CFAP70: variants seen among roughly 807,000 people sequenced by gnomAD.
The protein encoded by CFAP70 is cilia- and flagella-associated protein 70.
CFAP70 carries 81 observed loss-of-function variants against 137.6 expected under a neutral mutation model. That is an observed-to-expected ratio of 0.59 (90% CI 0.49 to 0.71). The LOEUF is 0.71. Among genes scored for constraint, CFAP70 ranks in the 30% least tolerant of loss-of-function variants. The pLI is 0.00. For missense variants in CFAP70, 976 were observed against 1,226.7 expected (o/e 0.80, Z 3.05); for synonymous variants, 382 against 423.6 (o/e 0.90, Z 1.20).
chr10:73,296,567 T>C (rs890295369), intron 15 of CFAP70: 1 of 152,554 alleles, frequency 6.6e-6, no homozygotes, highest in East Asian at 1.9e-4. Context: ...GACTTACAAA[T>C]ATAAACAGAA....
At chr10:73,316,553 G>A (rs2050402798) in intron 9 of CFAP70, among the ~76,000 whole-genome samples, 1 of 141,016 alleles carries the variant, frequency 7.1e-6, no homozygotes, top group Admixed American at 7.1e-5. Flanking sequence ...AATATGTATG[G>A]ACATACACAC....
intron 3 of CFAP70, 41 bp from the exon 4 acceptor site, chr10:73,348,562 C>T (rs2053923774): frequency 1.6e-6 from 2 of 1,276,484 alleles, no homozygotes; most frequent in Non-Finnish European, 2.2e-6. Context: ...ATTTAAAACA[C>T]ATCTATCCGA....
At chr10:73,329,480 T>TAA (rs1831437242) in intron 8 of CFAP70, among the ~76,000 whole-genome samples, 1 of 151,936 alleles carries the variant, frequency 6.6e-6, no homozygotes, top group Admixed American at 6.6e-5. Context: ...CCCTAAAACT[T>TAA]AAAGTATAAT....
intron 12 of CFAP70, among the ~76,000 whole-genome samples, chr10:73,300,558 T>C (rs1349487928): frequency 6.6e-6 from 1 of 152,146 alleles, no homozygotes; most frequent in Admixed American, 6.6e-5. Flanking sequence ...ATGTTATTCA[T>C]TCATTCAAAA....
intron 3 of CFAP70, among the ~76,000 whole-genome samples, chr10:73,351,069 G>GCATA (rs2054197923): frequency 2.0e-5 from 1 of 50,558 alleles, no homozygotes; most frequent in Non-Finnish European, 3.5e-5. Context: ...GTGTGTGTGT[G>GCATA]TGTATATATA....
chr10:73,319,612 G>A (rs1267314396), intron 9 of CFAP70, among the ~76,000 whole-genome samples: 2 of 152,150 alleles, frequency 1.3e-5, no homozygotes, highest in Non-Finnish European at 2.9e-5. Flanking sequence ...CCATCAGGGA[G>A]GTCAGGATTT....
chr10:73,328,260 T>C (rs2051683939), intron 8 of CFAP70, among the ~76,000 whole-genome samples: 1 of 151,956 alleles, frequency 6.6e-6, no homozygotes, highest in African/African-American at 2.4e-5. Flanking sequence ...ATTTAATAAA[T>C]GGTGCTGGGA....
At chr10:73,359,644 T>C (rs1174107128), upstream of CFAP70, among the ~76,000 whole-genome samples, 1 of 152,078 alleles carries the variant, frequency 6.6e-6, no homozygotes, top group African/African-American at 2.4e-5. Flanking sequence ...AGGATGGAAA[T>C]AGAGAACTAC....
intron 12 of CFAP70, among the ~76,000 whole-genome samples, chr10:73,304,374 A>C (rs1192609371): frequency 1.3e-5 from 2 of 152,172 alleles, no homozygotes; most frequent in Non-Finnish European, 2.9e-5. Flanking sequence ...AAATATTATT[A>C]GATTATTTTT....
At chr10:73,253,825 C>T (rs922101233) in exon 27 of CFAP70, 2 of 545,816 alleles carry the variant, frequency 3.7e-6, no homozygotes, top group Admixed American at 3.5e-5. Flanking sequence ...GTAAAACATC[C>T]AGTAACACAG....
chr10:73,306,223 A>G (rs1254001614), intron 12 of CFAP70, among the ~76,000 whole-genome samples: 2 of 152,168 alleles, frequency 1.3e-5, no homozygotes, highest in Non-Finnish European at 1.5e-5. Flanking sequence ...CATACACATT[A>G]TGGAAGTTCT....
At chr10:73,268,445 A>G (rs1486313701) in intron 25 of CFAP70, among the ~76,000 whole-genome samples, 3 of 152,240 alleles carry the variant, frequency 2.0e-5, no homozygotes, top group African/African-American at 7.2e-5. Flanking sequence ...CTCATTGTTA[A>G]GTGAAGAGTT....
chr10:73,356,207 C>CTT (rs565816984), intron 1 of CFAP70, among the ~76,000 whole-genome samples: 4 of 142,078 alleles, frequency 2.8e-5, no homozygotes, highest in South Asian at 2.2e-4. Flanking sequence ...TCCTTCCTTC[C>CTT]TTTTTTTTTT....
chr10:73,269,623 G>A, exon 25 of CFAP70: 1 of 1,612,008 alleles, frequency 6.2e-7, no homozygotes, highest in Non-Finnish European at 8.5e-7. Flanking sequence ...CTTTCAGGCA[G>A]ACCAGAGCCA....
intron 12 of CFAP70, 71 bp downstream of exon 13, chr10:73,310,087 G>A: frequency 1.1e-6 from 1 of 928,920 alleles, no homozygotes; most frequent in Non-Finnish European, 1.7e-6. Context: ...TTACAATCGT[G>A]GGGACAATCT....
chr10:73,296,573 C>T (rs2131957482), intron 15 of CFAP70: 1 of 152,604 alleles, frequency 6.6e-6, no homozygotes, highest in South Asian at 2.1e-4. Context: ...CAAATATAAA[C>T]AGAAAAGTGG....
Position 73,332,627 on chromosome 10 carries a change from T to C in CFAP70, c.678-1351A>G, listed in dbSNP as rs892367499. 3.9e-5 allele frequency among the ~76,000 whole-genome samples: 6 copies of C among 152,288 alleles called. No individual in the cohort carries two copies. The South Asian group carries it at 6.2e-4, about 16-fold the overall frequency. On this transcript the variant is annotated intron_variant, in intron 7 of 26. Transcript: ENST00000310715. ...TGCCACCACATCAACAGAGTTTCAATATAATAACAATGAATTACAACTGAG... is the reference window on the plus strand; with the variant it reads ...TGCCACCACATCAACAGAGTTTCAACATAATAACAATGAATTACAACTGAG...
At chr10:73,264,020 G>C (rs1167332126) in intron 25 of CFAP70, among the ~76,000 whole-genome samples, 3 of 151,992 alleles carry the variant, frequency 2.0e-5, no homozygotes, top group Non-Finnish European at 4.4e-5. Context: ...TTATTTATTT[G>C]GATGCTCAAA....
exon 14 of CFAP70, chr10:73,298,961 G>C (rs375537295): frequency 1.2e-6 from 2 of 1,613,916 alleles, no homozygotes; most frequent in African/African-American, 1.3e-5. Flanking sequence ...GTTCATAGCT[G>C]AGCTGGCACT....
Sources: gnomAD v4.1 joint callset for allele counts (sites outside exome capture counted in the v4.1 genomes callset) on GRCh38, gnomAD v4.1.1 for gene constraint, MANE v1.5 for transcripts, NCBI Gene and HGNC (gene_info 2026-07-23, HGNC 2026-07-21) for gene names.